Variants in GFPT1 observed in about 807,000 individuals in gnomAD.
The protein encoded by GFPT1 is glutamine--fructose-6-phosphate transaminase 1.
Under a neutral mutation model 92.0 loss-of-function variants are expected in GFPT1, and 40 were observed. The ratio of observed to expected loss-of-function variants is 0.43; its 90% CI spans 0.34 to 0.57. The LOEUF (loss-of-function observed/expected upper bound fraction) is 0.57, where lower values mean the gene tolerates loss of function less well. GFPT1 is among the 20% of genes least tolerant of loss of function. The pLI is 0.02. For missense variants in GFPT1, 448 were observed against 869.1 expected, an observed-to-expected ratio of 0.52 and a Z score of 6.09; for synonymous variants, 269 against 280.6, an observed-to-expected ratio of 0.96 and a Z score of 0.41.
At chr2:69,374,467 C>T (rs1017991782) in intron 1 of GFPT1, among the ~76,000 whole-genome samples, 1 of 151,954 alleles carries the variant, frequency 6.6e-6, no homozygotes, top group Non-Finnish European at 1.5e-5. Flanking sequence ...GTGCCTGCCA[C>T]CACGCCCAGC....
intron 15 of GFPT1, among the ~76,000 whole-genome samples, chr2:69,337,464 T>C (rs1327491986): frequency 6.6e-6 from 1 of 152,170 alleles, no homozygotes; most frequent in East Asian, 1.9e-4. Context: ...AATAGGTAAA[T>C]AAAAATTCCA....
At chr2:69,331,757 T>C (rs1670668927) in intron 15 of GFPT1, among the ~76,000 whole-genome samples, 1 of 152,122 alleles carries the variant, frequency 6.6e-6, no homozygotes, top group African/African-American at 2.4e-5. Flanking sequence ...AGTAAGAACC[T>C]TTCTATGTGG....
At chr2:69,380,317 G>A (rs982760964) in intron 1 of GFPT1, among the ~76,000 whole-genome samples, 2 of 152,106 alleles carry the variant, frequency 1.3e-5, no homozygotes, top group African/African-American at 2.4e-5. Context: ...ACTCCAGGCT[G>A]GGCGACACAG....
chr2:69,319,888 G>A lies in GFPT1; in HGVS notation c.*6301C>T, dbSNP rs1670368049. 1 of 152,064 alleles carries A rather than the reference G, an allele frequency of 6.6e-6. No individual in the cohort carries two copies. The highest frequency in any genetic ancestry group is 2.1e-4 in the South Asian group (1 of 4,812). 9.4% of individuals were successfully genotyped at this position (152,064 alleles called of 1,614,324 possible). On this transcript the variant is annotated 3_prime_UTR_variant, in exon 20 of 20. Coordinates refer to ENST00000357308, the MANE Select transcript of GFPT1 (RefSeq NM_001244710.2). ...CAATTCTACATACAAAGTACAATAG[G>A]AAAAAACCAAAAGCCCCCATAAATT... is the stretch of plus-strand genomic sequence containing the variant.
chr2:69,366,105 C>T (rs1355171652), intron 3 of GFPT1, among the ~76,000 whole-genome samples: 3 of 151,714 alleles, frequency 2.0e-5, no homozygotes, highest in Admixed American at 6.6e-5. Flanking sequence ...TGAGCCACCA[C>T]GCCTGGCCTC....
At chr2:69,374,306 T>C (rs952536228) in intron 1 of GFPT1, among the ~76,000 whole-genome samples, 193 bp from the exon 2 acceptor site, 9 of 133,942 alleles carry the variant, frequency 6.7e-5, no homozygotes, top group Non-Finnish European at 1.2e-4. Context: ...AAAATACACA[T>C]TTATAATTTT....
At chr2:69,358,496 A>G (rs188341875) in intron 5 of GFPT1, 33 bp from the exon 6 acceptor site, 531 of 1,425,624 alleles carry the variant, frequency 3.7e-4, no homozygotes, top group Admixed American at 1.4e-3. Flanking sequence ...GATACAATTA[A>G]AGAAATATTA....
chr2:69,341,927 CAGG>C (rs1277365560), intron 13 of GFPT1, among the ~76,000 whole-genome samples: 1 of 152,140 alleles, frequency 6.6e-6, no homozygotes, highest in Non-Finnish European at 1.5e-5. Flanking sequence ...AAGTCCGTTG[CAGG>C]AGGTCTATCT....
intron 4 of GFPT1, among the ~76,000 whole-genome samples, chr2:69,360,189 C>A (rs1248986787): frequency 6.6e-6 from 1 of 151,800 alleles, no homozygotes; most frequent in African/African-American, 2.4e-5. Context: ...ATTAGCCAGG[C>A]GTGGTGGCAC....
At chr2:69,340,456 A>T (rs1323450742) in intron 13 of GFPT1, among the ~76,000 whole-genome samples, 1 of 152,230 alleles carries the variant, frequency 6.6e-6, no homozygotes, top group Non-Finnish European at 1.5e-5. Flanking sequence ...CATATTAAGT[A>T]GGCTATACTT....
chr2:69,364,866 G>A (rs948886415), intron 3 of GFPT1, among the ~76,000 whole-genome samples: 6 of 151,636 alleles, frequency 4.0e-5, no homozygotes, highest in Middle Eastern at 3.2e-3. Context: ...GTGGTGGTGC[G>A]CGCCTGTAAT....
At chr2:69,379,930 G>C (rs529395465) in intron 1 of GFPT1, among the ~76,000 whole-genome samples, 115 of 151,790 alleles carry the variant, frequency 7.6e-4, no homozygotes, top group Non-Finnish European at 9.9e-4. Flanking sequence ...CATTGCCCAG[G>C]CTGGTCTCGA....
In GFPT1 at chr2:69,322,546, CT is replaced by C. The variant is rs1401296867; in HGVS notation, c.*3642del. ...AAACAAACAAAAAAACAAAAAACTC[CT>C]TTATTACTCCCATCCTCAGAACTAA... On this transcript the variant is annotated 3_prime_UTR_variant, in exon 20 of 20. Coordinates refer to ENST00000357308, the MANE Select transcript of GFPT1 (RefSeq NM_001244710.2). 6.6e-6 allele frequency: 1 copy of C among 152,102 alleles called. No homozygotes were observed. Among genetic ancestry groups the C allele is most frequent in the Admixed American group, 6.6e-5 (1 of 15,262 alleles). The allele number at this position is 152,102 out of a possible 1,614,324, so 9.4% of individuals were successfully genotyped here.
chr2:69,376,003 C>T (rs1004582838), intron 1 of GFPT1, among the ~76,000 whole-genome samples: 1 of 152,144 alleles, frequency 6.6e-6, no homozygotes, highest in Non-Finnish European at 1.5e-5. Context: ...AGAATGAGTC[C>T]GGGGTTTTTG....
chr2:69,358,252 G>T, intron 6 of GFPT1, 77 bp downstream of exon 6: 1 of 1,247,436 alleles, frequency 8.0e-7, no homozygotes, highest in Non-Finnish European at 1.2e-6. Context: ...CACAGTTCCT[G>T]CTTATCAAAC....
At chr2:69,326,813 T>C in intron 19 of GFPT1, 101 bp downstream of exon 19, 11 of 1,116,974 alleles carry the variant, frequency 9.8e-6, no homozygotes, top group Non-Finnish European at 1.4e-5. Context: ...ATATATTTGA[T>C]AGATTTCTCA....
chr2:69,354,222 T>C, intron 9 of GFPT1, 37 bp downstream of exon 9: 10 of 1,419,164 alleles, frequency 7.0e-6, no homozygotes, highest in Non-Finnish European at 8.7e-6. Flanking sequence ...CAAAAGAGGA[T>C]AAGATCCTCC....
intron 6 of GFPT1, among the ~76,000 whole-genome samples, chr2:69,357,764 A>C (rs1442344160): frequency 6.6e-6 from 1 of 152,166 alleles, no homozygotes; most frequent in Non-Finnish European, 1.5e-5. Context: ...TTTAATTAGG[A>C]ATGTTGGATG....
chr2:69,336,910 T>A (rs979192664), intron 15 of GFPT1, among the ~76,000 whole-genome samples: 1 of 152,140 alleles, frequency 6.6e-6, no homozygotes, highest in Non-Finnish European at 1.5e-5. Flanking sequence ...CCTAAATTTA[T>A]GCATATTCCA....
Sources: gnomAD v4.1 joint callset for allele counts (sites outside exome capture counted in the v4.1 genomes callset) on GRCh38, gnomAD v4.1.1 for gene constraint, MANE v1.5 for transcripts, NCBI Gene and HGNC (gene_info 2026-07-23, HGNC 2026-07-21) for gene names.